MBIP: variants seen among roughly 807,000 people sequenced by gnomAD.
The protein encoded by MBIP is MAP3K12-binding inhibitory protein 1.
A neutral mutation model predicts 45.7 loss-of-function variants in MBIP; 32 were observed. The ratio of observed to expected loss-of-function variants is 0.70; its 90% CI spans 0.53 to 0.94. The LOEUF is 0.94. Ranked by LOEUF, MBIP falls within the 40% of genes least tolerant of loss-of-function variation. The probability of loss-of-function intolerance (pLI) is 0.00; values close to 1 mark genes in which losing one functional copy is unlikely to be tolerated. For missense variants in MBIP, 381 were observed against 405.5 expected (o/e 0.94, Z 0.52); for synonymous variants, 145 against 141.0 (o/e 1.03, Z -0.20).
Position 36,311,610 on chromosome 14 carries a change from T to C in MBIP, c.753A>G (p.Arg251=). 2 of 1,613,234 alleles carry C rather than the reference T, an allele frequency of 1.2e-6. No homozygotes were observed. The highest frequency in any genetic ancestry group is 1.7e-6 in the Non-Finnish European group (2 of 1,179,426). The change falls in exon 6 of 9, where the codon CGA becomes CGG. Residue 251 remains arginine (R), a synonymous_variant. Coordinates refer to ENST00000416007, the MANE Select transcript of MBIP (RefSeq NM_016586.3). ...GCAAGTGGGCCTCAATATTTTGTAG[T>C]CGTTCTTCTACAGCCTGATTACCAC... ...RDCGNQAVEE[R]LQNIEAHLRL... is the part of the protein sequence containing the mutation.
In MBIP at chr14:36,314,859, T is replaced by C. The variant is rs759190033; in HGVS notation, c.306A>G (p.Glu102=). ...PIKEENTTAV[E]EIGRTEMGNK... ...TCCCCATTTCTGTTCTTCCTATCTC[T>C]TCAACAGCAGTTGTATTCTCCTCTT... Residue 102 remains glutamate (E), a synonymous_variant, in exon 3 of 9, where the codon GAA becomes GAG. Transcript: ENST00000416007. 1.2e-6 allele frequency: 2 copies of C among 1,613,514 alleles called. No homozygotes were observed. Among genetic ancestry groups the C allele is most frequent in the East Asian group, 2.2e-5 (1 of 44,836 alleles).
intron 2 of MBIP, among the ~76,000 whole-genome samples, chr14:36,316,477 A>G (rs1880572805): frequency 6.6e-6 from 1 of 152,178 alleles, no homozygotes. Flanking sequence ...AATTGCATTC[A>G]TTCACTCATA....
chr14:36,300,260 C>T (rs972675972), intron 8 of MBIP, among the ~76,000 whole-genome samples: 1 of 152,134 alleles, frequency 6.6e-6, no homozygotes, highest in East Asian at 1.9e-4. Context: ...TATCAAAAAA[C>T]TTACTCAGAA....
chr14:36,319,471 ATAC>A (rs1880758270), intron 1 of MBIP: 1 of 314,716 alleles, frequency 3.2e-6, no homozygotes, highest in Non-Finnish European at 6.2e-6. Flanking sequence ...AAGACACAAC[ATAC>A]TACGATTTTT....
At chr14:36,306,329 A>G (rs1322176800) in intron 7 of MBIP, among the ~76,000 whole-genome samples, 2 of 152,108 alleles carry the variant, frequency 1.3e-5, no homozygotes, top group African/African-American at 2.4e-5. Context: ...ATCTTGGCTC[A>G]TCGCAACCTA....
chr14:36,303,798 A>G (rs1879715970), intron 7 of MBIP, among the ~76,000 whole-genome samples: 1 of 152,146 alleles, frequency 6.6e-6, no homozygotes, highest in African/African-American at 2.4e-5. Context: ...GTAAAAGGCA[A>G]CTGATTCTAT....
chr14:36,314,723 C>T lies in MBIP; in HGVS notation c.442G>A (p.Glu148Lys). 1 of 1,613,582 alleles carries T rather than the reference C, an allele frequency of 6.2e-7. No homozygotes were observed. Among genetic ancestry groups the T allele is most frequent in the East Asian group, 2.2e-5 (1 of 44,838 alleles). The change falls in exon 3 of 9, where the codon GAA becomes AAA. Residue 148 changes from glutamate to lysine, a missense_variant. By Grantham distance (56) the Glu-to-Lys change is moderately conservative. Coordinates refer to ENST00000416007, the MANE Select transcript of MBIP (RefSeq NM_016586.3). ...TTTCCAGCCTTTATCTGAACTACTT[C>T]TGGATCAAAATGGATCTGTGTCTTT... ...VKKTQIHFDP[E>K]VVQIKAGKAE...
rs1233358842 is a variant in MBIP, at chr14:36,299,107, G to A, written c.1011C>T (p.Ser337=). 1.2e-6 allele frequency: 2 copies of A among 1,613,606 alleles called. No individual in the cohort carries two copies. The highest frequency in any genetic ancestry group is 8.5e-7 in the Non-Finnish European group (1 of 1,179,758). The change falls in exon 9 of 9, where the codon TCC becomes TCT. Residue 337 remains serine (S), a synonymous_variant. Transcript: ENST00000416007. ...TTCATGGAAGGTGGTGGGTTGCCAT[G>A]GATTCTGCTTCTCTTGATTTTCTGA... ...ALLRKSREAE[S]MATHHLP
chr14:36,304,718 T>G (rs1056090375), intron 7 of MBIP, among the ~76,000 whole-genome samples: 9 of 152,378 alleles, frequency 5.9e-5, no homozygotes, highest in Middle Eastern at 3.4e-3. Context: ...ATTTTGGAGT[T>G]TTATGTCTGG....
intron 6 of MBIP, among the ~76,000 whole-genome samples, chr14:36,309,982 A>G (rs1880105764): frequency 6.6e-6 from 1 of 152,122 alleles, no homozygotes; most frequent in African/African-American, 2.4e-5. Flanking sequence ...TCTTTCTCTC[A>G]TTTGGATTAT....
intron 7 of MBIP, among the ~76,000 whole-genome samples, chr14:36,301,254 T>G (rs573636669): frequency 6.6e-6 from 1 of 152,222 alleles, no homozygotes; most frequent in Admixed American, 6.5e-5. Context: ...AAAACACACA[T>G]ACACACACCC....
chr14:36,300,115 CTT>C (rs945233442), intron 8 of MBIP, among the ~76,000 whole-genome samples: 1 of 152,114 alleles, frequency 6.6e-6, no homozygotes, highest in Non-Finnish European at 1.5e-5. Context: ...AAGAGAATAA[CTT>C]TTAAAAACCT....
Position 36,311,584 on chromosome 14 carries a change from C to T in MBIP, c.779G>A (p.Arg260Gln), listed in dbSNP as rs758726043. 1.2e-5 allele frequency: 19 copies of T among 1,610,764 alleles called. No homozygotes were observed. The East Asian group carries it at 1.3e-4, about 11-fold the overall frequency. Residue 260 changes from arginine (R) to glutamine (Q), a missense_variant, in exon 6 of 9, where the codon CGG becomes CAG. Arg to Gln is a conservative substitution (Grantham distance 43). Coordinates refer to ENST00000416007, the MANE Select transcript of MBIP (RefSeq NM_016586.3). ...AGCACTTTGCTTACCTGTCTGTAAC[C>T]GCAAGTGGGCCTCAATATTTTGTAG... ...ERLQNIEAHL[R>Q]LQTGGPVPRD...
At chr14:36,308,564 T>C (rs1047002255) in intron 6 of MBIP, among the ~76,000 whole-genome samples, 2 of 152,244 alleles carry the variant, frequency 1.3e-5, no homozygotes, top group African/African-American at 4.8e-5. Flanking sequence ...AATGCAGTGG[T>C]TGCAATATGT....
At chr14:36,308,059 T>C (rs986736569) in intron 7 of MBIP, 33 bp downstream of exon 7, 52 of 1,155,876 alleles carry the variant, frequency 4.5e-5, no homozygotes, top group Non-Finnish European at 6.4e-5. Flanking sequence ...ACAATAACAT[T>C]TTCATTTATT....
intron 7 of MBIP, among the ~76,000 whole-genome samples, chr14:36,306,227 T>C (rs533680830): frequency 6.6e-6 from 1 of 152,000 alleles, no homozygotes; most frequent in Admixed American, 6.6e-5. Context: ...TGGAGGGCTT[T>C]TTTTTTTGTT....
At chr14:36,299,849 C>CT (rs1396753384) in intron 8 of MBIP, among the ~76,000 whole-genome samples, 1 of 151,990 alleles carries the variant, frequency 6.6e-6, no homozygotes, top group Non-Finnish European at 1.5e-5. Flanking sequence ...TGTGAACACC[C>CT]TCACTTATAT....
At chr14:36,311,812 C>A in intron 5 of MBIP, 87 bp from the exon 6 acceptor site, 2 of 1,284,148 alleles carry the variant, frequency 1.6e-6, no homozygotes, top group South Asian at 1.5e-5. Context: ...ATATTTTTTT[C>A]ATAAAGACCA....
At chr14:36,305,879 AT>A (rs1879843652) in intron 7 of MBIP, among the ~76,000 whole-genome samples, 3 of 151,702 alleles carry the variant, frequency 2.0e-5, no homozygotes, top group East Asian at 1.9e-4. Context: ...GTATTTGTCC[AT>A]TTTTTTTCCT....
Sources: gnomAD v4.1 joint callset for allele counts (sites outside exome capture counted in the v4.1 genomes callset) on GRCh38, gnomAD v4.1.1 for gene constraint, MANE v1.5 for transcripts, NCBI Gene and HGNC (gene_info 2026-07-23, HGNC 2026-07-21) for gene names.